Variants in FGF14 observed in about 807,000 individuals in gnomAD.
The protein encoded by FGF14 is fibroblast growth factor homologous factor 4.
A neutral mutation model predicts 25.5 loss-of-function variants in FGF14; 5 were observed. The observed-to-expected ratio is 0.20, with a 90% confidence interval of 0.10 to 0.41. The LOEUF is 0.41. Ranked by LOEUF, FGF14 falls within the 10% of genes least tolerant of loss-of-function variation. The pLI is 1.00. For missense variants in FGF14, 222 were observed against 320.1 expected (o/e 0.69, Z 2.34); for synonymous variants, 138 against 118.3 (o/e 1.17, Z -1.08).
rs117146590 is a variant in FGF14 at position 101,972,395 on chromosome 13, C to T, written c.209-97099G>A. On this transcript the variant is annotated intron_variant, in intron 1 of 4. Transcript: ENST00000376131. ...ATTTTTGTAGTTACGTGAGAATTGGCGCCTGATGGCATGGACAATTTTGCC... is the reference window on the plus strand; with the variant it reads ...ATTTTTGTAGTTACGTGAGAATTGGTGCCTGATGGCATGGACAATTTTGCC... Among the ~76,000 whole-genome samples the T allele has an allele frequency of 3.9e-5, 6 of 152,238 alleles. No individual in the cohort carries two copies. In the East Asian group the frequency reaches 1.2e-3, roughly 29 times the overall value.
At chr13:102,337,674 T>C (rs964447233) in intron 1 of FGF14, among the ~76,000 whole-genome samples, 5 of 152,122 alleles carry the variant, frequency 3.3e-5, no homozygotes, top group Admixed American at 1.3e-4. Context: ...GAAGAGTCCA[T>C]TGATGAAGCA....
rs116789054 is a variant in FGF14 at position 101,934,958 on chromosome 13, T to C, written c.209-59662A>G. Among the ~76,000 whole-genome samples the C allele has an allele frequency of 9.7e-3, 1,480 of 152,304 alleles. 26 individuals carry two copies. The highest frequency in any genetic ancestry group is 0.033 in the African/African-American group (1,378 of 41,546). Reference sequence around the variant, plus strand: ...TCACGTGTATAATACAGTGTTGTTATCTACAGACACGATATTGTACATATT... The same window carrying C: ...TCACGTGTATAATACAGTGTTGTTACCTACAGACACGATATTGTACATATT... On this transcript the variant is annotated intron_variant, in intron 1 of 4. Transcript: ENST00000376131.
intron 3 of FGF14, among the ~76,000 whole-genome samples, chr13:101,787,440 T>C (rs1226008244): frequency 6.6e-6 from 1 of 152,214 alleles, no homozygotes; most frequent in Admixed American, 6.5e-5. Flanking sequence ...CTTACCTTTA[T>C]TAGAGTGTTC....
chr13:102,013,662 A>G (rs2040194912), intron 1 of FGF14, among the ~76,000 whole-genome samples: 1 of 152,178 alleles, frequency 6.6e-6, no homozygotes, highest in South Asian at 2.1e-4. Context: ...CCTAGGCTTA[A>G]TCAGCCTTCC....
chr13:102,019,941 A>G lies in FGF14; in HGVS notation c.209-144645T>C, dbSNP rs972258238. On this transcript the variant is annotated intron_variant, in intron 1 of 4. Transcript: ENST00000376131. ...AGATAATATTTAGCTCAAAACGAAA[A>G]AGTAATTTTATTTTTGTCAGGTGCT... 8.5e-5 allele frequency among the ~76,000 whole-genome samples: 13 copies of G among 152,200 alleles called. 1 individual carries two copies. Among genetic ancestry groups the G allele is most frequent in the Admixed American group, 8.5e-4 (13 of 15,272 alleles).
chr13:101,881,899 A>G (rs1003084148), intron 1 of FGF14, among the ~76,000 whole-genome samples: 13 of 152,140 alleles, frequency 8.5e-5, no homozygotes, highest in Non-Finnish European at 1.5e-4. Flanking sequence ...AGGAACTTTT[A>G]TGTATCCTTC....
rs2058671672 is a variant in FGF14, at chr13:102,400,218, G to A, written c.208+1253C>T. 6.6e-6 allele frequency among the ~76,000 whole-genome samples: 1 copy of A among 152,230 alleles called. No individual in the cohort carries two copies. Among genetic ancestry groups the A allele is most frequent in the Admixed American group, 6.5e-5 (1 of 15,302 alleles). Reference sequence around the variant, plus strand: ...GGCTCTGGGTGCCAGTGCGGCCCCCGGCAGAGCCCAGGGCGTCAGGGAGGC... The same window carrying A: ...GGCTCTGGGTGCCAGTGCGGCCCCCAGCAGAGCCCAGGGCGTCAGGGAGGC... On this transcript the variant is annotated intron_variant, in intron 1 of 4. Transcript: ENST00000376131. This position sits in a 1 kb window ranked among gnomAD's most constrained non-coding sequence, Gnocchi z 4.3.
chr13:102,060,869 T>C (rs969921617), intron 1 of FGF14, among the ~76,000 whole-genome samples: 1 of 151,970 alleles, frequency 6.6e-6, no homozygotes, highest in Non-Finnish European at 1.5e-5. Flanking sequence ...ATTCTGTGTC[T>C]AAAAAAACCC....
At chr13:102,054,783 T>C (rs971575154) in intron 1 of FGF14, among the ~76,000 whole-genome samples, 2 of 152,208 alleles carry the variant, frequency 1.3e-5, no homozygotes, top group African/African-American at 4.8e-5. Context: ...CAGAGCAAGG[T>C]GTTACTGCTT....
intron 1 of FGF14, among the ~76,000 whole-genome samples, chr13:102,040,684 TG>T (rs1424648830): frequency 6.6e-6 from 1 of 152,182 alleles, no homozygotes; most frequent in East Asian, 1.9e-4. Context: ...GTTAAAGCCC[TG>T]AAAGCTATTG....
intron 1 of FGF14, among the ~76,000 whole-genome samples, chr13:101,956,346 CA>C (rs2036515165): frequency 6.6e-6 from 1 of 152,138 alleles, no homozygotes; most frequent in Admixed American, 6.5e-5. Context: ...AACTCCTCTC[CA>C]ATTTTAGATT....
rs757163927 is a variant in FGF14 at position 101,916,499 on chromosome 13, G to A, written c.147C>T (p.Ser49=). The part of the protein sequence containing the change: ...LCNGNLVDIF[S]KVRIFGLKKR... ...TCTTGAGGCCGAAGATGCGCACTTTGGAGAAGATATCCACCAGGTTGCCGT... is the reference window on the plus strand; with the variant it reads ...TCTTGAGGCCGAAGATGCGCACTTTAGAGAAGATATCCACCAGGTTGCCGT... The change falls in exon 1 of 5, where the codon TCC becomes TCT. Residue 49 remains serine (S), a synonymous_variant. Transcript: ENST00000376143. The A allele has an allele frequency of 8.7e-6, 14 of 1,613,830 alleles. No homozygotes were observed. Among genetic ancestry groups the A allele is most frequent in the Admixed American group, 8.3e-5 (5 of 60,014 alleles).
At chr13:102,307,460 G>A (rs371489237) in intron 1 of FGF14, among the ~76,000 whole-genome samples, 1 of 152,118 alleles carries the variant, frequency 6.6e-6, no homozygotes, top group Admixed American at 6.5e-5. Flanking sequence ...TAAAAATGGA[G>A]TCACAAGAAC....
At chr13:102,103,364 T>C (rs967091268) in intron 1 of FGF14, among the ~76,000 whole-genome samples, 1 of 152,078 alleles carries the variant, frequency 6.6e-6, no homozygotes, top group African/African-American at 2.4e-5. Flanking sequence ...TATCTTAAGA[T>C]ACACTCAAGT....
At chr13:101,801,856 T>G in intron 3 of FGF14, 1 of 305,658 alleles carries the variant, frequency 3.3e-6, no homozygotes, top group South Asian at 3.8e-5. Context: ...ACTGCCCAGA[T>G]TAGCAAAACA....
intron 1 of FGF14, among the ~76,000 whole-genome samples, chr13:101,896,886 G>A (rs1474641829): frequency 6.6e-6 from 1 of 152,086 alleles, no homozygotes; most frequent in East Asian, 1.9e-4. Context: ...ATGTTTTGGG[G>A]TAACTTTATC....
chr13:101,972,445 G>A (rs1365413560), intron 1 of FGF14, among the ~76,000 whole-genome samples: 6 of 152,166 alleles, frequency 3.9e-5, no homozygotes, highest in Non-Finnish European at 5.9e-5. Context: ...TTTGGAATAA[G>A]GAAGGTAGAA....
intron 1 of FGF14, among the ~76,000 whole-genome samples, chr13:102,170,769 T>G (rs748147251): frequency 3.9e-5 from 6 of 152,210 alleles, no homozygotes; most frequent in Non-Finnish European, 7.3e-5. Context: ...TAAACCCTTT[T>G]CATGGCAGAA....
At chr13:101,740,066 C>T (rs1267232024) in intron 3 of FGF14, among the ~76,000 whole-genome samples, 1 of 152,172 alleles carries the variant, frequency 6.6e-6, no homozygotes, top group Non-Finnish European at 1.5e-5. Flanking sequence ...CACGTATCCC[C>T]TAGATTGCTC....
Sources: gnomAD v4.1 joint callset for allele counts (sites outside exome capture counted in the v4.1 genomes callset) on GRCh38, gnomAD v4.1.1 for gene constraint, Gnocchi (gnomAD v3.1) non-coding constraint, MANE v1.5 for transcripts, NCBI Gene and HGNC (gene_info 2026-07-23, HGNC 2026-07-21) for gene names.